Variants in C4orf33 observed in about 807,000 individuals in gnomAD.
C4orf33 encodes the protein UPF0462 protein C4orf33.
A neutral mutation model predicts 24.3 loss-of-function variants in C4orf33; 20 were observed. That is an observed-to-expected ratio of 0.82 (90% confidence interval 0.58 to 1.19). The LOEUF (loss-of-function observed/expected upper bound fraction) is 1.19, where lower values mean the gene tolerates loss of function less well. Ranked by LOEUF, C4orf33 falls within the 50% of genes most tolerant of loss-of-function variation. C4orf33 has a pLI of 0.00. For synonymous variants in C4orf33, 67 were observed against 76.4 expected (o/e 0.88, Z 0.64); for missense variants, 207 against 225.9 (o/e 0.92, Z 0.54).
chr4:129,099,269 C>A (rs1753284492), intron 1 of C4orf33, among the ~76,000 whole-genome samples: 1 of 152,096 alleles, frequency 6.6e-6, no homozygotes, highest in East Asian at 1.9e-4. Flanking sequence ...ACATGAGAAC[C>A]ATCCCAAACT....
chr4:129,106,763 T>A, intron 3 of C4orf33, 116 bp downstream of exon 3: 3 of 551,300 alleles, frequency 5.4e-6, no homozygotes, highest in Non-Finnish European at 9.5e-6. Context: ...GTACTCTGAA[T>A]TTGCTTGAAT....
At chr4:129,099,454 G>C (rs895393516) in intron 1 of C4orf33, among the ~76,000 whole-genome samples, 1 of 152,116 alleles carries the variant, frequency 6.6e-6, no homozygotes, top group East Asian at 1.9e-4. Context: ...ATGATACCAC[G>C]AACACAGTAG....
At chr4:129,106,481 T>A in intron 2 of C4orf33, 106 bp from the exon 3 acceptor site, 1 of 603,786 alleles carries the variant, frequency 1.7e-6, no homozygotes, top group South Asian at 2.2e-5. Context: ...GGGATAGTAT[T>A]ATAATTAAGA....
rs764456026 is a variant in C4orf33 at position 129,106,564 on chromosome 4, T to A, written c.182-23T>A. 6.5e-6 allele frequency: 8 copies of A among 1,230,308 alleles called. No individual in the cohort carries two copies. In the East Asian group the frequency reaches 2.0e-4, roughly 30 times the overall value. 76.2% of individuals were successfully genotyped at this position (1,230,308 alleles called of 1,614,324 possible). On this transcript the variant is annotated intron_variant, in intron 2 of 5. Transcript: ENST00000425929. ...GAAAGCAATATTAAATATCTCAATA[T>A]GTTATATCTCTGTTTTCAAAAGTTG...
Position 129,109,354 on chromosome 4 carries a change from G to C in C4orf33, c.290G>C (p.Trp97Ser), listed in dbSNP as rs1233337995. 1.2e-6 allele frequency: 2 copies of C among 1,613,736 alleles called. No individual in the cohort carries two copies. The highest frequency in any genetic ancestry group is 1.7e-5 in the Admixed American group (1 of 60,020). ...TTACTTTCTGGAAGAAGAAATGTGT[G>C]GAAAGTAAGTAAATAAAAATAGGAG... The part of the protein sequence containing the change: ...VLLLSGRRNV[W>S]KQELPLSFRM... Residue 97 changes from tryptophan to serine, a missense_variant, in exon 4 of 6, where the codon TGG becomes TCG. Trp to Ser is a radical substitution (Grantham distance 177). Coordinates refer to ENST00000425929, the MANE Select transcript of C4orf33 (RefSeq NM_001099783.2).
chr4:129,109,726 T>G (rs747070649), intron 5 of C4orf33, 54 bp downstream of exon 5: 1 of 1,411,704 alleles, frequency 7.1e-7, no homozygotes. Context: ...TTTTCGAAAT[T>G]AATTCTTAGT....
intron 1 of C4orf33, among the ~76,000 whole-genome samples, chr4:129,100,184 C>T (rs1753311846): frequency 6.6e-6 from 1 of 152,170 alleles, no homozygotes; most frequent in African/African-American, 2.4e-5. Flanking sequence ...TTATCTTTTA[C>T]TTCTTATCTT....
rs1238326765 is a variant in C4orf33, at chr4:129,113,569, TTTGAA to T, written c.*1782_*1786del. 7.1e-6 allele frequency: 1 copy of T among 140,700 alleles called. No individual in the cohort carries two copies. The highest frequency in any genetic ancestry group is 7.4e-5 in the Admixed American group (1 of 13,482). 8.7% of individuals were successfully genotyped at this position (140,700 alleles called of 1,614,324 possible). ...GCATAAATGCATTTCTTTGCTGTGA[TTTGAA>T]TTGTTCACTGCAGTGTCAAGCAGAT... On this transcript the variant is annotated 3_prime_UTR_variant, in exon 6 of 6. Transcript: ENST00000425929.
At chr4:129,106,694 GT>G in intron 3 of C4orf33, 47 bp downstream of exon 3, 1 of 998,428 alleles carries the variant, frequency 1.0e-6, no homozygotes, top group Non-Finnish European at 1.5e-6. Flanking sequence ...TAATTTGAAC[GT>G]GTTATTTTCT....
In C4orf33 at chr4:129,102,789, A is replaced by G. The variant is rs1219114228; in HGVS notation, c.179A>G (p.Glu60Gly). The change falls in exon 2 of 6, where the codon GAA becomes GGA. Residue 60 changes from glutamate (E) to glycine (G), a missense_variant and splice_region_variant. Physicochemically the swap from Glu to Gly is moderately conservative, Grantham distance 98 (BLOSUM62 -2). Coordinates refer to ENST00000425929, the MANE Select transcript of C4orf33 (RefSeq NM_001099783.2). ...CCTTTCAATGAACTGTGGGATTATGAAGGTAAGTGGAAGTACTGTATTTTA... is the reference window on the plus strand; with the variant it reads ...CCTTTCAATGAACTGTGGGATTATGGAGGTAAGTGGAAGTACTGTATTTTA... ...GKPFNELWDYEVVEAFFLNDI... is the reference protein window; with the variant it reads ...GKPFNELWDYGVVEAFFLNDI... 1.2e-6 allele frequency: 2 copies of G among 1,611,138 alleles called. No homozygotes were observed. The highest frequency in any genetic ancestry group is 1.7e-6 in the Non-Finnish European group (2 of 1,178,822).
chr4:129,106,524 A>T (rs1753522050), intron 2 of C4orf33, 63 bp from the exon 3 acceptor site: 3 of 798,042 alleles, frequency 3.8e-6, no homozygotes, highest in Non-Finnish European at 6.1e-6. Flanking sequence ...TAAAGGAATA[A>T]ATTATTTATT....
chr4:129,099,646 G>A (rs1753296907), intron 1 of C4orf33, among the ~76,000 whole-genome samples: 1 of 152,202 alleles, frequency 6.6e-6, no homozygotes, highest in Non-Finnish European at 1.5e-5. Flanking sequence ...TAGGTTAATA[G>A]AGAATGACCA....
intron 2 of C4orf33, among the ~76,000 whole-genome samples, chr4:129,104,576 C>A (rs1753458495): frequency 6.6e-6 from 1 of 152,132 alleles, no homozygotes; most frequent in African/African-American, 2.4e-5. Context: ...CTGAACTGTT[C>A]ATAGTTCTTT....
Position 129,109,580 on chromosome 4 carries a change from A to G in C4orf33, c.402A>G (p.Ser134=). The change falls in exon 5 of 6, where the codon TCA becomes TCG. Residue 134 remains serine, a synonymous_variant. Transcript: ENST00000425929. ...YFPPNVTKFN[S]FAIHGSKDKR... ...CACCAAATGTGACAAAATTCAATTC[A>G]TTTGCAATTCATGGATCAAAAGATA... The G allele has an allele frequency of 6.2e-7, 1 of 1,614,066 alleles. No homozygotes were observed. The highest frequency in any genetic ancestry group is 8.5e-7 in the Non-Finnish European group (1 of 1,179,916).
chr4:129,103,093 C>T (rs1753411643), intron 2 of C4orf33: 1 of 194,870 alleles, frequency 5.1e-6, no homozygotes, highest in Non-Finnish European at 1.0e-5. Flanking sequence ...AATCTCGGCT[C>T]ACTGCAAGGT....
rs55749910 is a variant in C4orf33, at chr4:129,115,801, AATATATATATATAT to A, written c.*4026_*4039del. The A allele has an allele frequency of 1.1e-5, 1 of 90,250 alleles. No individual in the cohort carries two copies. The highest frequency in any genetic ancestry group is 3.2e-4 in the East Asian group (1 of 3,152). The allele number at this position is 90,250 out of a possible 1,614,324, so 5.6% of individuals were successfully genotyped here. On this transcript the variant is annotated 3_prime_UTR_variant, in exon 6 of 6. Transcript: ENST00000425929. The stretch of plus-strand genomic sequence containing the variant: ...ATGTGCCTAACAAATCTTCTAACTA[AATATATATATATAT>A]ATATATATATATATAAAATATATAT...
upstream of C4orf33, among the ~76,000 whole-genome samples, chr4:129,094,842 T>C (rs947536200): frequency 6.6e-6 from 1 of 152,230 alleles, no homozygotes; most frequent in African/African-American, 2.4e-5. Context: ...AGTATATGAC[T>C]CTTTCTTCAT....
Position 129,102,656 on chromosome 4 carries a change from C to A in C4orf33, c.46C>A (p.His16Asn). The A allele has an allele frequency of 1.2e-6, 2 of 1,613,866 alleles. No individual in the cohort carries two copies. The highest frequency in any genetic ancestry group is 2.2e-5 in the South Asian group (2 of 91,038). Residue 16 changes from histidine (H) to asparagine (N), a missense_variant, in exon 2 of 6, where the codon CAT (histidine) becomes AAT (asparagine). By Grantham distance (68) the His-to-Asn change is moderately conservative. Coordinates refer to ENST00000425929, the MANE Select transcript of C4orf33 (RefSeq NM_001099783.2). The stretch of plus-strand genomic sequence containing the variant: ...CACTTGGGATGGTTTTCCAGTGAAG[C>A]ATGAGCCCGTATTTATCAGGCTGAA... Reference protein sequence around the residue: ...EHTWDGFPVKHEPVFIRLNPG... With the variant: ...EHTWDGFPVKNEPVFIRLNPG...
At position 129,102,921 on chromosome 4, in the gene C4orf33, T is replaced by A; in HGVS notation, c.181+130T>A. ...AATTGACATGTACAGTTTCTGATAT[T>A]TCCTACCAATCTCTCATTCTGACTT... is the stretch of plus-strand genomic sequence containing the variant. On this transcript the variant is annotated intron_variant, in intron 2 of 5. Coordinates refer to ENST00000425929, the MANE Select transcript of C4orf33 (RefSeq NM_001099783.2). 8.9e-6 allele frequency: 6 copies of A among 676,050 alleles called. No individual in the cohort carries two copies. The South Asian group carries it at 1.8e-4, about 20-fold the overall frequency. 41.9% of individuals were successfully genotyped at this position (676,050 alleles called of 1,614,324 possible).
Sources: gnomAD v4.1 joint callset for allele counts (sites outside exome capture counted in the v4.1 genomes callset) on GRCh38, gnomAD v4.1.1 for gene constraint, MANE v1.5 for transcripts, NCBI Gene and HGNC (gene_info 2026-07-23, HGNC 2026-07-21) for gene names.